Variants in NAT14 observed in about 807,000 individuals in gnomAD.
The protein encoded by NAT14 is N-acetyltransferase 14 (putative).
Under a neutral mutation model 12.1 loss-of-function variants are expected in NAT14, and 14 were observed. The observed-to-expected ratio is 1.16, with a 90% confidence interval of 0.76 to 1.81. NAT14 has a LOEUF of 1.81. Ranked by LOEUF, NAT14 falls within the 40% of genes most tolerant of loss-of-function variation. NAT14 has a pLI of 0.00. For synonymous variants in NAT14, 156 were observed against 145.1 expected (o/e 1.08, Z -0.54); for missense variants, 341 against 304.3 (o/e 1.12, Z -0.90).
chr19:55,486,332 G>T lies in NAT14; in HGVS notation c.73-76G>T. The T allele has an allele frequency of 2.5e-5, 35 of 1,386,228 alleles. 1 individual carries two copies. The highest frequency in any genetic ancestry group is 3.3e-5 in the Non-Finnish European group (35 of 1,075,158). 85.9% of individuals were successfully genotyped at this position (1,386,228 alleles called of 1,614,324 possible). A position where few individuals can be genotyped will look rare whatever the true frequency, so the allele number is the denominator to read the frequency against. On this transcript the variant is annotated intron_variant, in intron 2 of 2. Transcript: ENST00000205194. Reference sequence around the variant, plus strand: ...CATTTGGGAGCTCTCACCCCGCCCCGGGCAGGGTCTACCTCCTCTCTTTGT... The same window carrying T: ...CATTTGGGAGCTCTCACCCCGCCCCTGGCAGGGTCTACCTCCTCTCTTTGT...
chr19:55,485,363 G>C (rs1230559123), intron 1 of NAT14, 105 bp downstream of exon 1: 4 of 286,048 alleles, frequency 1.4e-5, no homozygotes, highest in African/African-American at 2.1e-5. Context: ...CTGGCATGTG[G>C]GGAGGGTGTT....
In NAT14 at chr19:55,486,341, C is replaced by G. The variant is rs1986910753; in HGVS notation, c.73-67C>G. 1.4e-6 allele frequency: 2 copies of G among 1,395,638 alleles called. 1 individual carries two copies. The highest frequency in any genetic ancestry group is 3.2e-5 in the South Asian group (2 of 62,286). The allele number at this position is 1,395,638 out of a possible 1,614,324, so 86.5% of individuals were successfully genotyped here. A position where few individuals can be genotyped will look rare whatever the true frequency, so the allele number is the denominator to read the frequency against. ...GCTCTCACCCCGCCCCGGGCAGGGTCTACCTCCTCTCTTTGTCCAGGAGGC... is the reference window on the plus strand; with the variant it reads ...GCTCTCACCCCGCCCCGGGCAGGGTGTACCTCCTCTCTTTGTCCAGGAGGC... On this transcript the variant is annotated intron_variant, in intron 2 of 2. Transcript: ENST00000205194.
Position 55,486,734 on chromosome 19 carries a change from G to C in NAT14, c.399G>C (p.Trp133Cys). 7.1e-7 allele frequency: 1 copy of C among 1,415,094 alleles called. No homozygotes were observed. Among genetic ancestry groups the C allele is most frequent in the African/African-American group, 1.5e-5 (1 of 65,858 alleles). The allele number at this position is 1,415,094 out of a possible 1,614,324, so 87.7% of individuals were successfully genotyped here. Reference sequence around the variant, plus strand: ...TCACCCGCCTGTCTGTCTCTCGCTGGCACCGCCGCCGGGGCGTGGGCAGGA... The same window carrying C: ...TCACCCGCCTGTCTGTCTCTCGCTGCCACCGCCGCCGGGGCGTGGGCAGGA... ...ARVTRLSVSR[W>C]HRRRGVGRRL... is the part of the protein sequence containing the mutation. The change falls in exon 3 of 3, where the codon TGG becomes TGC. Residue 133 changes from tryptophan to cysteine, a missense_variant. Trp to Cys is a radical substitution (Grantham distance 215, BLOSUM62 -2). Transcript: ENST00000205194.
rs1262182951 is a variant in NAT14 at position 55,486,515 on chromosome 19, T to A, written c.180T>A (p.Ala60=). The A allele has an allele frequency of 2.5e-6, 4 of 1,586,526 alleles. No homozygotes were observed. The African/African-American group carries it at 5.4e-5, about 22-fold the overall frequency. The stretch of plus-strand genomic sequence containing the variant: ...GCAGCGGCCTGCGCTTTGTCCTGGC[T>A]TCCTTCGCCCTGGCCCTCCTCCTGC... ...AASSGLRFVL[A]SFALALLLPV... The change falls in exon 3 of 3, where the codon GCT becomes GCA. Residue 60 remains alanine (A), a synonymous_variant. Transcript: ENST00000205194.
chr19:55,485,737 A>G lies in NAT14; in HGVS notation c.29A>G (p.Glu10Gly). 6.4e-7 allele frequency: 1 copy of G among 1,550,838 alleles called. No individual in the cohort carries two copies. Among genetic ancestry groups the G allele is most frequent in the South Asian group, 1.2e-5 (1 of 84,022 alleles). Residue 10 changes from glutamate to glycine, a missense_variant, in exon 2 of 3, where the codon GAG becomes GGG. Glu to Gly is a moderately conservative substitution (Grantham distance 98). Transcript: ENST00000205194. MAPSHLSVR[E>G]MREDEKPLVL... The stretch of plus-strand genomic sequence containing the variant: ...GCCCCCAGCCACCTGTCAGTGCGGG[A>G]GATGAGGGAAGATGAGAAGCCCCTG...
At position 55,486,916 on chromosome 19, in the gene NAT14, TG is replaced by T; in HGVS notation, c.584del (p.Gly195AlafsTer5). On this transcript the variant is annotated frameshift_variant, in exon 3 of 3. Coordinates refer to ENST00000205194, the MANE Select transcript of NAT14 (RefSeq NM_020378.4). LOFTEE classifies it high-confidence loss of function. ...CAGGCCGAGGGGGGCTGGGGCTGCC[TG>T]GGCTACACGCTGGTGAGGGAATTCA... ...GYQAEGGWGC[L>X]GYTLVREFSK... 1 of 1,559,120 alleles carries T rather than the reference TG, an allele frequency of 6.4e-7. No homozygotes were observed. The highest frequency in any genetic ancestry group is 1.8e-5 in the Admixed American group (1 of 55,102).
At position 55,486,699 on chromosome 19, in the gene NAT14, G is replaced by C; in HGVS notation, c.364G>C (p.Gly122Arg). ...GGCCCCTGGCACAAATGCAGGGGAC[G>C]GGGCCCGGGTCACCCGCCTGTCTGT... ...ALAPGTNAGD[G>R]ARVTRLSVSR... The change falls in exon 3 of 3, where the codon GGG (glycine) becomes CGG (arginine). Residue 122 changes from glycine to arginine, a missense_variant. Transcript: ENST00000205194. The C allele has an allele frequency of 7.0e-7, 1 of 1,424,364 alleles. No individual in the cohort carries two copies. Among genetic ancestry groups the C allele is most frequent in the Non-Finnish European group, 9.1e-7 (1 of 1,100,670 alleles). 88.2% of individuals were successfully genotyped at this position (1,424,364 alleles called of 1,614,324 possible).
In NAT14 at chr19:55,486,867, G is replaced by A. The variant is rs1986937309; in HGVS notation, c.532G>A (p.Gly178Arg). 5 of 1,532,932 alleles carry A rather than the reference G, an allele frequency of 3.3e-6. No individual in the cohort carries two copies. Among genetic ancestry groups the A allele is most frequent in the South Asian group, 1.2e-5 (1 of 84,004 alleles). The allele number at this position is 1,532,932 out of a possible 1,614,324, so 95.0% of individuals were successfully genotyped here. A position where few individuals can be genotyped will look rare whatever the true frequency, so the allele number is the denominator to read the frequency against. The change falls in exon 3 of 3, where the codon GGG becomes AGG. Residue 178 changes from glycine to arginine, a missense_variant. Coordinates refer to ENST00000205194, the MANE Select transcript of NAT14 (RefSeq NM_020378.4). Reference protein sequence around the residue: ...PVAVAAWGVGGMLEGCGYQAE... With the variant: ...PVAVAAWGVGRMLEGCGYQAE... ...GGCTGTGGCCGCCTGGGGGGTGGGA[G>A]GGATGCTGGAGGGCTGTGGCTACCA...
chr19:55,486,904 G>T lies in NAT14; in HGVS notation c.569G>T (p.Gly190Val). 1.9e-6 allele frequency: 3 copies of T among 1,557,684 alleles called. No individual in the cohort carries two copies. The highest frequency in any genetic ancestry group is 2.6e-6 in the Non-Finnish European group (3 of 1,159,436). Residue 190 changes from glycine to valine, a missense_variant, in exon 3 of 3, where the codon GGC becomes GTC. Transcript: ENST00000205194. ...LEGCGYQAEG[G>V]WGCLGYTLVR... Reference sequence around the variant, plus strand: ...GGCTGTGGCTACCAGGCCGAGGGGGGCTGGGGCTGCCTGGGCTACACGCTG... The same window carrying T: ...GGCTGTGGCTACCAGGCCGAGGGGGTCTGGGGCTGCCTGGGCTACACGCTG...
intron 2 of NAT14, 167 bp from the exon 3 acceptor site, chr19:55,486,241 C>G: frequency 2.2e-6 from 2 of 909,020 alleles, no homozygotes; most frequent in Non-Finnish European, 3.1e-6. Context: ...CATTCGCTCT[C>G]GTTCATTCAT....
rs1986963081 is a variant in NAT14, at chr19:55,487,478, G to A, written c.*522G>A. ...GCTGCCAGGCCTGGCCCCTCTCTGG[G>A]AAGGTTGAGAGCTGAGACGGGCAGC... On this transcript the variant is annotated 3_prime_UTR_variant, in exon 3 of 3. Transcript: ENST00000205194. The A allele has an allele frequency of 7.5e-6, 3 of 397,694 alleles. No homozygotes were observed. In the East Asian group the frequency reaches 1.1e-4, roughly 14 times the overall value. The allele number at this position is 397,694 out of a possible 1,614,324, so 24.6% of individuals were successfully genotyped here.
chr19:55,486,058 C>T, intron 2 of NAT14: 2 of 586,222 alleles, frequency 3.4e-6, no homozygotes, highest in Non-Finnish European at 3.0e-6. Context: ...CTCTGTGCCT[C>T]GGACCCCAAC....
In NAT14 at chr19:55,485,671, C is replaced by T. The variant is rs889811930; in HGVS notation, c.-38C>T. On this transcript the variant is annotated 5_prime_UTR_variant, in exon 2 of 3. Coordinates refer to ENST00000205194, the MANE Select transcript of NAT14 (RefSeq NM_020378.4). ...TTATGTTCTCACCAGGTGCACGACG[C>T]CAGCTCCCTTCTGGGGGGCCGGGGC... is the stretch of plus-strand genomic sequence containing the variant. 7.6e-5 allele frequency: 116 copies of T among 1,523,544 alleles called. No individual in the cohort carries two copies. Among genetic ancestry groups the T allele is most frequent in the Non-Finnish European group, 9.8e-5 (110 of 1,122,028 alleles). The allele number at this position is 1,523,544 out of a possible 1,614,324, so 94.4% of individuals were successfully genotyped here.
In NAT14 at chr19:55,485,719, G is replaced by A. The variant is rs1312512120; in HGVS notation, c.11G>A (p.Ser4Asn). 9 of 1,550,812 alleles carry A rather than the reference G, an allele frequency of 5.8e-6. No individual in the cohort carries two copies. Among genetic ancestry groups the A allele is most frequent in the Non-Finnish European group, 7.8e-6 (9 of 1,146,536 alleles). Residue 4 changes from serine to asparagine, a missense_variant, in exon 2 of 3, where the codon AGC becomes AAC. By Grantham distance (46) the Ser-to-Asn change is conservative. Coordinates refer to ENST00000205194, the MANE Select transcript of NAT14 (RefSeq NM_020378.4). MAP[S>N]HLSVREMRED... ...GGCCTGGGGGTTGCCATGGCCCCCA[G>A]CCACCTGTCAGTGCGGGAGATGAGG...
rs1299110241 is a variant in NAT14 at position 55,485,775 on chromosome 19, C to G, written c.67C>G (p.Leu23Val). 1.3e-6 allele frequency: 2 copies of G among 1,550,046 alleles called. No homozygotes were observed. Among genetic ancestry groups the G allele is most frequent in the Admixed American group, 2.0e-5 (1 of 50,992 alleles). The change falls in exon 2 of 3, where the codon CTG becomes GTG. Residue 23 changes from leucine (L) to valine (V), a missense_variant. Transcript: ENST00000205194. The stretch of plus-strand genomic sequence containing the variant: ...TGAGAAGCCCCTGGTGCTGGAGATG[C>G]TGAAGGTGAGAGGCAGGGGCCCCAG... ...EDEKPLVLEM[L>V]KAGVKDTENR... is the part of the protein sequence containing the mutation.
intron 2 of NAT14, 187 bp from the exon 3 acceptor site, chr19:55,486,221 A>T: frequency 1.3e-6 from 1 of 753,308 alleles, no homozygotes; most frequent in Non-Finnish European, 2.0e-6. Context: ...TAATTCACTC[A>T]TCCATCCATC....
At position 55,486,742 on chromosome 19, in the gene NAT14, G is replaced by A; in HGVS notation, c.407G>A (p.Arg136His). Reference sequence around the variant, plus strand: ...CTGTCTGTCTCTCGCTGGCACCGCCGCCGGGGCGTGGGCAGGAGGCTGCTG... The same window carrying A: ...CTGTCTGTCTCTCGCTGGCACCGCCACCGGGGCGTGGGCAGGAGGCTGCTG... ...TRLSVSRWHR[R>H]RGVGRRLLAF... The change falls in exon 3 of 3, where the codon CGC becomes CAC. Residue 136 changes from arginine to histidine, a missense_variant. By Grantham distance (29) the Arg-to-His change is conservative. Coordinates refer to ENST00000205194, the MANE Select transcript of NAT14 (RefSeq NM_020378.4). The A allele has an allele frequency of 7.1e-7, 1 of 1,413,972 alleles. No individual in the cohort carries two copies. The highest frequency in any genetic ancestry group is 9.1e-7 in the Non-Finnish European group (1 of 1,095,478). The allele number at this position is 1,413,972 out of a possible 1,614,324, so 87.6% of individuals were successfully genotyped here.
rs1204315876 is a variant in NAT14 at position 55,487,040 on chromosome 19, C to G, written c.*84C>G. The G allele has an allele frequency of 6.8e-7, 1 of 1,472,622 alleles. No individual in the cohort carries two copies. Among genetic ancestry groups the G allele is most frequent in the African/African-American group, 1.4e-5 (1 of 69,436 alleles). 91.2% of individuals were successfully genotyped at this position (1,472,622 alleles called of 1,614,324 possible). ...GCCTACTGTCTGCGGGTTCTTTTAC[C>G]TGCTCTCCCTCAGTGAGTCCTCAAC... On this transcript the variant is annotated 3_prime_UTR_variant, in exon 3 of 3. Coordinates refer to ENST00000205194, the MANE Select transcript of NAT14 (RefSeq NM_020378.4).
In NAT14 at chr19:55,486,803, G is replaced by A; in HGVS notation, c.468G>A (p.Gly156=). The change falls in exon 3 of 3, where the codon GGG becomes GGA. Residue 156 remains glycine (G), a synonymous_variant. Transcript: ENST00000205194. ...FAEARARAWA[G]GMGEPRARLV... Reference sequence around the variant, plus strand: ...AGGCCCGGGCTCGGGCCTGGGCTGGGGGCATGGGGGAGCCCCGGGCCCGGC... The same window carrying A: ...AGGCCCGGGCTCGGGCCTGGGCTGGAGGCATGGGGGAGCCCCGGGCCCGGC... The A allele has an allele frequency of 1.3e-6, 2 of 1,489,224 alleles. No individual in the cohort carries two copies. Among genetic ancestry groups the A allele is most frequent in the Non-Finnish European group, 1.8e-6 (2 of 1,126,348 alleles). 92.3% of individuals were successfully genotyped at this position (1,489,224 alleles called of 1,614,324 possible).
Sources: allele counts gnomAD v4.1 joint callset, GRCh38; gene constraint gnomAD v4.1.1; transcripts MANE v1.5; gene names NCBI Gene and HGNC (gene_info 2026-07-23, HGNC 2026-07-21).